Variants in ZNF236 observed in about 807,000 individuals in gnomAD.
The protein encoded by ZNF236 is regulated by glucose.
Under a neutral mutation model 191.2 loss-of-function variants are expected in ZNF236, and 50 were observed. The observed-to-expected ratio is 0.26, with a 90% CI of 0.21 to 0.33. The LOEUF (loss-of-function observed/expected upper bound fraction) is 0.33. Ranked by LOEUF, ZNF236 falls within the 10% of genes least tolerant of loss-of-function variation. The pLI, the probability that ZNF236 is intolerant of heterozygous loss-of-function variation, is 1.00. For missense variants in ZNF236, 1,754 were observed against 2,374.5 expected, an observed-to-expected ratio of 0.74 and a Z score of 5.43; for synonymous variants, 907 against 928.8, an observed-to-expected ratio of 0.98 and a Z score of 0.43.
At chr18:76,843,963 AAAG>A (rs1341249191) in intron 1 of ZNF236, among the ~76,000 whole-genome samples, 1 of 151,454 alleles carries the variant, frequency 6.6e-6, no homozygotes, top group African/African-American at 2.4e-5. Flanking sequence ...GTTTTAAATT[AAAG>A]AAGAGGCCGG....
intron 13 of ZNF236, among the ~76,000 whole-genome samples, chr18:76,906,655 C>T (rs936225465): frequency 5.3e-5 from 8 of 152,188 alleles, no homozygotes; most frequent in African/African-American, 1.2e-4. Context: ...TTTCCGGACC[C>T]AGTGACCAAT....
Position 76,969,464 on chromosome 18 carries a change from G to T in ZNF236, c.*1125G>T, listed in dbSNP as rs1968867502. ...TATGTACATAGATATATGGGCCTCTGTGTGGCTGAACAGTATATTTTGTAA... is the reference window on the plus strand; with the variant it reads ...TATGTACATAGATATATGGGCCTCTTTGTGGCTGAACAGTATATTTTGTAA... On this transcript the variant is annotated 3_prime_UTR_variant, in exon 31 of 31. Coordinates refer to ENST00000320610, the MANE Select transcript of ZNF236 (RefSeq NM_001306089.2). 6.6e-6 allele frequency: 1 copy of T among 152,506 alleles called. No individual in the cohort carries two copies. Among genetic ancestry groups the T allele is most frequent in the Non-Finnish European group, 1.5e-5 (1 of 68,042 alleles). 9.4% of individuals were successfully genotyped at this position (152,506 alleles called of 1,614,324 possible). A position where few individuals can be genotyped will look rare whatever the true frequency, so the allele number is the denominator to read the frequency against.
chr18:76,945,344 T>G (rs1968232882), intron 26 of ZNF236, among the ~76,000 whole-genome samples: 1 of 152,252 alleles, frequency 6.6e-6, no homozygotes. Context: ...TTAATACAGT[T>G]TTTCAAATTG....
intron 15 of ZNF236, 130 bp from the exon 16 acceptor site, chr18:76,910,530 G>A: frequency 1.1e-6 from 1 of 905,890 alleles, no homozygotes; most frequent in Non-Finnish European, 1.6e-6. Context: ...GCTAATAGCA[G>A]CTAGTCCTAA....
intron 12 of ZNF236, among the ~76,000 whole-genome samples, 172 bp from the exon 13 acceptor site, chr18:76,904,983 C>CA (rs2122741994): frequency 6.6e-6 from 1 of 152,342 alleles, no homozygotes; most frequent in South Asian, 2.1e-4. Context: ...GTCGCTTAAG[C>CA]ACTCTGAGTC....
intron 1 of ZNF236, among the ~76,000 whole-genome samples, chr18:76,837,454 T>C (rs1206034074): frequency 2.0e-5 from 3 of 147,784 alleles, no homozygotes; most frequent in South Asian, 2.2e-4. Flanking sequence ...TTTTTTTTTT[T>C]TTTGAGACAG....
intron 6 of ZNF236, among the ~76,000 whole-genome samples, chr18:76,877,638 T>TTA (rs995808521): frequency 6.6e-6 from 1 of 152,224 alleles, no homozygotes; most frequent in Non-Finnish European, 1.5e-5. Flanking sequence ...TAATATGTAT[T>TTA]TATATATAAC....
At chr18:76,832,227 G>A (rs1322065181) in intron 1 of ZNF236, among the ~76,000 whole-genome samples, 1 of 151,904 alleles carries the variant, frequency 6.6e-6, no homozygotes, top group Non-Finnish European at 1.5e-5. Context: ...TTACAGGTGC[G>A]CACCACCGCA....
intron 17 of ZNF236, among the ~76,000 whole-genome samples, 153 bp downstream of exon 17, chr18:76,912,500 C>G (rs1473208131): frequency 1.3e-5 from 2 of 152,216 alleles, no homozygotes; most frequent in African/African-American, 4.8e-5. Context: ...AATAAACGAT[C>G]TGAGACAAAA....
At chr18:76,843,929 G>A (rs1462299444) in intron 1 of ZNF236, among the ~76,000 whole-genome samples, 1 of 150,480 alleles carries the variant, frequency 6.6e-6, no homozygotes, top group Non-Finnish European at 1.5e-5. Context: ...TGTAATATGA[G>A]CACAAGGAAG....
In ZNF236 at chr18:76,972,489, C is replaced by T. The variant is rs1222871238; in HGVS notation, c.*4150C>T. On this transcript the variant is annotated 3_prime_UTR_variant, in exon 31 of 31. Coordinates refer to ENST00000320610, the MANE Select transcript of ZNF236 (RefSeq NM_001306089.2). Reference sequence around the variant, plus strand: ...CCCACACACCCTCACACTCACCCTCCCTACACAGGCATCGGGGCAGTTCTT... The same window carrying T: ...CCCACACACCCTCACACTCACCCTCTCTACACAGGCATCGGGGCAGTTCTT... Among the ~76,000 whole-genome samples, 1 of 152,108 alleles carries T rather than the reference C, an allele frequency of 6.6e-6. No individual in the cohort carries two copies. The highest frequency in any genetic ancestry group is 1.5e-5 in the Non-Finnish European group (1 of 68,024).
chr18:76,928,653 T>C (rs528348873), intron 25 of ZNF236, among the ~76,000 whole-genome samples: 1 of 152,276 alleles, frequency 6.6e-6, no homozygotes, highest in African/African-American at 2.4e-5. Flanking sequence ...GGCTGACTCA[T>C]TCCCTGTCTT....
intron 3 of ZNF236, among the ~76,000 whole-genome samples, chr18:76,856,666 A>T (rs1976049984): frequency 1.3e-5 from 2 of 151,934 alleles, no homozygotes; most frequent in Non-Finnish European, 1.5e-5. Flanking sequence ...TGCAAGGTGG[A>T]TGTGTGGGGA....
At chr18:76,949,804 G>A (rs641611) in intron 27 of ZNF236, among the ~76,000 whole-genome samples, 73,418 of 151,386 alleles carry the variant, frequency 0.48, 19,529 homozygotes, top group Non-Finnish European at 0.59. Flanking sequence ...AATCACAGGT[G>A]TGCACCACCA....
intron 1 of ZNF236, among the ~76,000 whole-genome samples, chr18:76,842,865 T>C (rs1051862343): frequency 6.6e-5 from 10 of 152,352 alleles, no homozygotes; most frequent in African/African-American, 1.9e-4. Context: ...TACCCACTTA[T>C]GAGTAAATAC....
At chr18:76,889,014 G>A (rs1490744993) in intron 9 of ZNF236, among the ~76,000 whole-genome samples, 2 of 152,192 alleles carry the variant, frequency 1.3e-5, no homozygotes, top group Non-Finnish European at 2.9e-5. Context: ...ACTTTCTGCA[G>A]CATGTAAGGC....
chr18:76,941,355 C>A (rs1968128886), intron 26 of ZNF236, among the ~76,000 whole-genome samples: 1 of 152,230 alleles, frequency 6.6e-6, no homozygotes, highest in African/African-American at 2.4e-5. Context: ...TGCTTTTGGA[C>A]AAAAGTCCTG....
chr18:76,898,384 G>A (rs1977496289), intron 10 of ZNF236, among the ~76,000 whole-genome samples: 1 of 152,202 alleles, frequency 6.6e-6, no homozygotes, highest in African/African-American at 2.4e-5. Context: ...CCTCCTCTGG[G>A]CTGACAATGT....
intron 11 of ZNF236, among the ~76,000 whole-genome samples, chr18:76,901,759 A>C (rs77518292): frequency 6.8e-6 from 1 of 146,210 alleles, no homozygotes; most frequent in Admixed American, 6.8e-5. Context: ...ACTCTGTCTC[A>C]AAAAAAAAAA....
Sources: allele counts gnomAD v4.1 joint callset (sites outside exome capture counted in the v4.1 genomes callset), GRCh38; gene constraint gnomAD v4.1.1; transcripts MANE v1.5; gene names NCBI Gene and HGNC (gene_info 2026-07-23, HGNC 2026-07-21).